The following CADPS variants were observed in gnomAD, a reference collection of about 807,000 sequenced individuals.
CADPS encodes the protein calcium-dependent secretion activator 1.
Under a neutral mutation model 167.3 loss-of-function variants are expected in CADPS, and 57 were observed. The observed-to-expected ratio is 0.34, with a 90% confidence interval of 0.28 to 0.42. CADPS has a LOEUF of 0.42. Ranked by LOEUF, CADPS falls within the 20% of genes least tolerant of loss-of-function variation. CADPS has a pLI of 1.00. For synonymous variants in CADPS, 676 were observed against 635.3 expected (o/e 1.06, Z -0.96); for missense variants, 1,414 against 1,738.1 (o/e 0.81, Z 3.32).
At chr3:62,459,882 G>A (rs181108224) in intron 26 of CADPS, among the ~76,000 whole-genome samples, 4 of 152,328 alleles carry the variant, frequency 2.6e-5, no homozygotes, top group East Asian at 1.9e-4. Context: ...AATTTTGAAT[G>A]TCTATTACTT....
intron 3 of CADPS, among the ~76,000 whole-genome samples, chr3:62,675,636 C>G (rs1260560121): frequency 6.6e-6 from 1 of 152,216 alleles, no homozygotes; most frequent in African/African-American, 2.4e-5. Context: ...AAATTCAGCA[C>G]TGGGAAGTTC....
At chr3:62,822,212 C>T (rs938429428) in intron 1 of CADPS, among the ~76,000 whole-genome samples, 4 of 152,182 alleles carry the variant, frequency 2.6e-5, no homozygotes, top group Non-Finnish European at 4.4e-5. Flanking sequence ...AGGTTCTACT[C>T]ACACACAAAG....
intron 18 of CADPS, among the ~76,000 whole-genome samples, chr3:62,495,688 T>C (rs939683218): frequency 3.3e-5 from 5 of 152,212 alleles, no homozygotes. Flanking sequence ...CCACAATACA[T>C]ATATACATAT....
chr3:62,845,516 T>C (rs1365216104), intron 1 of CADPS, among the ~76,000 whole-genome samples: 1 of 152,182 alleles, frequency 6.6e-6, no homozygotes, highest in Non-Finnish European at 1.5e-5. Flanking sequence ...GTATTCAATA[T>C]ATTGGCCTAA....
At position 62,874,865 on chromosome 3, in the gene CADPS, G is replaced by C; in HGVS notation, c.165C>G (p.Ala55=). 1 of 1,117,738 alleles carries C rather than the reference G, an allele frequency of 8.9e-7. No homozygotes were observed. Among genetic ancestry groups the C allele is most frequent in the South Asian group, 4.0e-5 (1 of 25,008 alleles). 69.2% of individuals were successfully genotyped at this position (1,117,738 alleles called of 1,614,324 possible). ...CGCCGCCTGCACCCACCCCGGCTCC[G>C]GCGCCGGCGCCGCCGCCCCCCAGCC... is the stretch of plus-strand genomic sequence containing the variant. ...SAGLGGGGAG[A]GAGVGAGGGG... Residue 55 remains alanine (A), a synonymous_variant, in exon 1 of 30, where the codon GCC becomes GCG. Coordinates refer to ENST00000383710, the MANE Select transcript of CADPS (RefSeq NM_003716.4). This position sits in a 1 kb window ranked among gnomAD's most constrained non-coding sequence, Gnocchi z 7.1.
In CADPS at chr3:62,810,473, A is replaced by T. The variant is rs552043706; in HGVS notation, c.442-44489T>A. Among the ~76,000 whole-genome samples the T allele has an allele frequency of 5.6e-4, 85 of 152,230 alleles. 1 individual carries two copies. The South Asian group carries it at 0.011, about 20-fold the overall frequency. Reference sequence around the variant, plus strand: ...CAGCTTTTCAAGTACATGCCCACTAAATATTAAAATCATTGGGGAAATTCT... The same window carrying T: ...CAGCTTTTCAAGTACATGCCCACTATATATTAAAATCATTGGGGAAATTCT... On this transcript the variant is annotated intron_variant, in intron 1 of 29. Coordinates refer to ENST00000383710, the MANE Select transcript of CADPS (RefSeq NM_003716.4).
intron 21 of CADPS, among the ~76,000 whole-genome samples, chr3:62,485,657 A>G (rs1450998896): frequency 6.6e-6 from 1 of 152,150 alleles, no homozygotes; most frequent in Admixed American, 6.5e-5. Context: ...TTCCCATTAC[A>G]TCCTTATCAT....
chr3:62,582,524 C>T (rs1340377633), intron 8 of CADPS, among the ~76,000 whole-genome samples: 2 of 152,158 alleles, frequency 1.3e-5, no homozygotes, highest in Non-Finnish European at 2.9e-5. Context: ...CTCCTTTACA[C>T]AACTGGGCTC....
chr3:62,707,913 C>T (rs1489233765), intron 3 of CADPS, among the ~76,000 whole-genome samples: 1 of 106,806 alleles, frequency 9.4e-6, no homozygotes, highest in Non-Finnish European at 2.0e-5. Context: ...AGCACAGACA[C>T]AGTACTGTTT....
At chr3:62,696,005 G>A (rs1178253680) in intron 3 of CADPS, among the ~76,000 whole-genome samples, 2 of 152,058 alleles carry the variant, frequency 1.3e-5, no homozygotes, top group Non-Finnish European at 2.9e-5. Flanking sequence ...TCTTTTCTTC[G>A]ATTAATCTGC....
chr3:62,597,701 C>T (rs1044351157), intron 6 of CADPS, among the ~76,000 whole-genome samples: 1 of 152,176 alleles, frequency 6.6e-6, no homozygotes. Flanking sequence ...GGAATTCAGG[C>T]CGCTGGAGGC....
chr3:62,533,571 A>C (rs1394344917), intron 12 of CADPS, among the ~76,000 whole-genome samples: 1 of 152,182 alleles, frequency 6.6e-6, no homozygotes, highest in Non-Finnish European at 1.5e-5. Context: ...AAGAAAATGG[A>C]AATCCTGGTC....
At chr3:62,627,881 C>G (rs922898135) in intron 6 of CADPS, among the ~76,000 whole-genome samples, 1 of 152,118 alleles carries the variant, frequency 6.6e-6, no homozygotes, top group South Asian at 2.1e-4. Flanking sequence ...TTTGAGGTCT[C>G]AAGTATATTC....
At chr3:62,454,348 A>G (rs986445816) in intron 26 of CADPS, among the ~76,000 whole-genome samples, 1 of 152,224 alleles carries the variant, frequency 6.6e-6, no homozygotes, top group Non-Finnish European at 1.5e-5. Context: ...CCTAATTTAC[A>G]GTATCTTATT....
Position 62,412,287 on chromosome 3 carries a change from C to T in CADPS, c.3778-9102G>A, listed in dbSNP as rs1213747969. 1.3e-5 allele frequency among the ~76,000 whole-genome samples: 2 copies of T among 148,288 alleles called. No individual in the cohort carries two copies. Among genetic ancestry groups the T allele is most frequent in the African/African-American group, 5.0e-5 (2 of 40,228 alleles). On this transcript the variant is annotated intron_variant, in intron 28 of 29. Coordinates refer to ENST00000383710, the MANE Select transcript of CADPS (RefSeq NM_003716.4). This position sits in a 1 kb window ranked among gnomAD's most constrained non-coding sequence, Gnocchi z 4.1. Reference sequence around the variant, plus strand: ...TTTGGACGGCAGCTCCCTGAGGACTCACTGACGGAGGAGTCTGAGACAACG... The same window carrying T: ...TTTGGACGGCAGCTCCCTGAGGACTTACTGACGGAGGAGTCTGAGACAACG...
chr3:62,676,403 T>C (rs1244298311), intron 3 of CADPS, among the ~76,000 whole-genome samples: 1 of 152,140 alleles, frequency 6.6e-6, no homozygotes, highest in South Asian at 2.1e-4. Flanking sequence ...TGCGATTTTT[T>C]AAAATTGAAA....
Position 62,850,630 on chromosome 3 carries a change from T to A in CADPS, c.441+23959A>T, listed in dbSNP as rs987038076. On this transcript the variant is annotated intron_variant, in intron 1 of 29. Coordinates refer to ENST00000383710, the MANE Select transcript of CADPS (RefSeq NM_003716.4). The stretch of plus-strand genomic sequence containing the variant: ...GAGTTCTAGTTTGATTGCACTGTGG[T>A]CTGAGAGATAGTTTGTTATAATTTC... Among the ~76,000 whole-genome samples the A allele has an allele frequency of 5.6e-4, 84 of 149,506 alleles. 2 individuals are homozygous for A. In the East Asian group the frequency reaches 0.015, roughly 26 times the overall value.
At chr3:62,647,081 C>T (rs926632940) in intron 5 of CADPS, among the ~76,000 whole-genome samples, 2 of 152,064 alleles carry the variant, frequency 1.3e-5, no homozygotes, top group African/African-American at 4.8e-5. Context: ...ATGCAGAAAG[C>T]AGAGAAGAAA....
At chr3:62,847,522 T>G (rs1292267209) in intron 1 of CADPS, among the ~76,000 whole-genome samples, 1 of 79,054 alleles carries the variant, frequency 1.3e-5, no homozygotes, top group Non-Finnish European at 2.5e-5. Flanking sequence ...AGTGAGAATA[T>G]GCGGTGTTTG....
Sources: gnomAD v4.1 joint callset for allele counts (sites outside exome capture counted in the v4.1 genomes callset) on GRCh38, gnomAD v4.1.1 for gene constraint, Gnocchi (gnomAD v3.1) non-coding constraint, MANE v1.5 for transcripts, NCBI Gene and HGNC (gene_info 2026-07-23, HGNC 2026-07-21) for gene names.